Variants in CEP112 observed in about 807,000 individuals in gnomAD.
The protein encoded by CEP112 is centrosomal protein of 112 kDa.
Under a neutral mutation model 153.0 loss-of-function variants are expected in CEP112, and 127 were observed. That is an observed-to-expected ratio of 0.83 (90% CI 0.72 to 0.96). CEP112 has a LOEUF of 0.96. CEP112 is among the 40% of genes least tolerant of loss of function. The probability of loss-of-function intolerance (pLI) is 0.00; values close to 1 mark genes in which losing one functional copy is unlikely to be tolerated. For synonymous variants in CEP112, 358 were observed against 374.4 expected, an observed-to-expected ratio of 0.96 and a Z score of 0.51; for missense variants, 1,089 against 1,101.2, an observed-to-expected ratio of 0.99 and a Z score of 0.16.
intron 23 of CEP112, among the ~76,000 whole-genome samples, chr17:65,727,357 C>T (rs1288768219): frequency 6.6e-6 from 1 of 151,998 alleles, no homozygotes; most frequent in Non-Finnish European, 1.5e-5. Context: ...TATTGATTTC[C>T]AAACCCTCTT....
intron 17 of CEP112, among the ~76,000 whole-genome samples, chr17:65,983,560 T>C (rs1227950728): frequency 3.3e-5 from 5 of 152,126 alleles, no homozygotes. Flanking sequence ...TATTGGTTCA[T>C]GCCAGAGATA....
In CEP112 at chr17:65,971,522, T is replaced by A. The variant is rs996718208; in HGVS notation, c.1737-9924A>T. Among the ~76,000 whole-genome samples, 3 of 149,822 alleles carry A rather than the reference T, an allele frequency of 2.0e-5. 1 individual carries two copies. The East Asian group carries it at 6.0e-4, about 30-fold the overall frequency. On this transcript the variant is annotated intron_variant, in intron 17 of 26. Coordinates refer to ENST00000535342, the MANE Select transcript of CEP112 (RefSeq NM_001199165.4). ...ACATATCACACATGCACATTACATG[T>A]GTATCACCTAAATGTATGTTGCATG...
In CEP112 at chr17:66,129,836, AG is replaced by A. The variant is rs745405273; in HGVS notation, c.565-14del. On this transcript the variant is annotated splice_polypyrimidine_tract_variant and intron_variant, in intron 5 of 26. Transcript: ENST00000535342. The stretch of plus-strand genomic sequence containing the variant: ...TCGAATAAACTTCCTGAAATACAAA[AG>A]GGAAAAAGGAAGAGGAGAGGAAGGA... 2 of 1,554,952 alleles carry A rather than the reference AG, an allele frequency of 1.3e-6. No homozygotes were observed. The highest frequency in any genetic ancestry group is 2.7e-5 in the African/African-American group (2 of 73,602).
intron 4 of CEP112, among the ~76,000 whole-genome samples, chr17:66,157,112 T>A (rs1333536666): frequency 6.6e-6 from 1 of 152,160 alleles, no homozygotes; most frequent in Non-Finnish European, 1.5e-5. Context: ...GAAAAAATGT[T>A]AAGGGCAGCC....
At chr17:66,153,314 A>G (rs2071285833) in intron 4 of CEP112, among the ~76,000 whole-genome samples, 7 of 152,310 alleles carry the variant, frequency 4.6e-5, no homozygotes, top group Admixed American at 3.3e-4. Context: ...ATGGATAAAC[A>G]AAATGTGGTA....
chr17:65,717,221 A>G lies in CEP112; in HGVS notation c.2607+25847T>C, dbSNP rs528727109. Among the ~76,000 whole-genome samples the G allele has an allele frequency of 5.5e-4, 84 of 152,314 alleles. 1 individual carries two copies. The highest frequency in any genetic ancestry group is 1.9e-3 in the African/African-American group (79 of 41,572). ...CACATCACACTTACAAGTCTTTGCT[A>G]TGAATTTAAAAAGGTTCCTTGCCCC... On this transcript the variant is annotated intron_variant, in intron 23 of 26. Transcript: ENST00000535342.
chr17:66,124,801 T>TA, intron 6 of CEP112, among the ~76,000 whole-genome samples: 1 of 152,184 alleles, frequency 6.6e-6, no homozygotes, highest in Non-Finnish European at 1.5e-5. Context: ...ATCGGCCTGT[T>TA]ATTATTGACT....
chr17:66,130,473 A>G (rs2070087103), intron 5 of CEP112, among the ~76,000 whole-genome samples: 1 of 152,144 alleles, frequency 6.6e-6, no homozygotes, highest in Admixed American at 6.6e-5. Context: ...CTTTGGACTC[A>G]CATCATAAAA....
At chr17:65,902,370 A>G (rs2059903258) in intron 19 of CEP112, 36 bp from the exon 20 acceptor site, 1 of 1,563,292 alleles carries the variant, frequency 6.4e-7, no homozygotes, top group Non-Finnish European at 8.7e-7. Flanking sequence ...TCATCAACAG[A>G]ACATCCTTGT....
intron 18 of CEP112, among the ~76,000 whole-genome samples, chr17:65,933,359 C>T (rs769236273): frequency 2.0e-5 from 3 of 152,088 alleles, no homozygotes; most frequent in Non-Finnish European, 4.4e-5. Flanking sequence ...GAATTCAACC[C>T]AAAGACAGTT....
intron 16 of CEP112, among the ~76,000 whole-genome samples, chr17:66,020,632 AG>A (rs1382777164): frequency 6.6e-6 from 1 of 152,234 alleles, no homozygotes. Context: ...AATAGTTTAA[AG>A]GTTAACTTTT....
chr17:65,720,105 T>A (rs1598394726), intron 23 of CEP112, among the ~76,000 whole-genome samples: 1 of 152,116 alleles, frequency 6.6e-6, no homozygotes, highest in African/African-American at 2.4e-5. Context: ...AAGGAAGGGT[T>A]GGATCAAATG....
At chr17:65,755,157 A>G (rs2052172076) in intron 21 of CEP112, among the ~76,000 whole-genome samples, 1 of 152,234 alleles carries the variant, frequency 6.6e-6, no homozygotes, top group South Asian at 2.1e-4. Flanking sequence ...GTTAATTTAT[A>G]AACAAAAGAG....
chr17:65,854,549 C>T (rs993117741), intron 20 of CEP112, among the ~76,000 whole-genome samples: 5 of 152,070 alleles, frequency 3.3e-5, no homozygotes, highest in Non-Finnish European at 5.9e-5. Context: ...TCTGAGCCTT[C>T]GAGGCTGGAG....
chr17:66,096,788 AG>A (rs1238196874), intron 6 of CEP112, among the ~76,000 whole-genome samples, 156 bp from the exon 7 acceptor site: 1 of 152,162 alleles, frequency 6.6e-6, no homozygotes, highest in Non-Finnish European at 1.5e-5. Context: ...ATATATTTTT[AG>A]CGGCTCCCTA....
intron 20 of CEP112, among the ~76,000 whole-genome samples, chr17:65,900,708 T>C (rs555992110): frequency 6.6e-6 from 1 of 152,258 alleles, no homozygotes; most frequent in African/African-American, 2.4e-5. Flanking sequence ...AGGTTTAACA[T>C]CATATTTGAA....
rs372209290 is a variant in CEP112, at chr17:65,891,568, C to T, written c.2163+10584G>A. Reference sequence around the variant, plus strand: ...CCCAACCCATCTGCAAGTCCTGCTGCCTCACATACGCATGCCATATTGGCA... The same window carrying T: ...CCCAACCCATCTGCAAGTCCTGCTGTCTCACATACGCATGCCATATTGGCA... On this transcript the variant is annotated intron_variant, in intron 20 of 26. Coordinates refer to ENST00000535342, the MANE Select transcript of CEP112 (RefSeq NM_001199165.4). Among the ~76,000 whole-genome samples, 31 of 152,304 alleles carry T rather than the reference C, an allele frequency of 2.0e-4. 2 individuals carry two copies. The highest frequency in any genetic ancestry group is 7.0e-4 in the African/African-American group (29 of 41,584).
intron 21 of CEP112, among the ~76,000 whole-genome samples, chr17:65,814,306 C>T (rs1598662082): frequency 6.6e-6 from 1 of 152,186 alleles, no homozygotes; most frequent in East Asian, 1.9e-4. Flanking sequence ...ACCAAGCTGT[C>T]TGCTCTGTAT....
intron 21 of CEP112, among the ~76,000 whole-genome samples, chr17:65,813,026 A>G (rs547113319): frequency 2.8e-4 from 43 of 152,330 alleles, no homozygotes; most frequent in African/African-American, 9.4e-4. Flanking sequence ...TCTAGAATAA[A>G]ACATTATTTC....
Sources: allele counts gnomAD v4.1 joint callset (sites outside exome capture counted in the v4.1 genomes callset), GRCh38; gene constraint gnomAD v4.1.1; transcripts MANE v1.5; gene names NCBI Gene and HGNC (gene_info 2026-07-23, HGNC 2026-07-21).